The following ARHGAP26 variants were observed in gnomAD, a reference collection of about 807,000 sequenced individuals.
ARHGAP26 encodes the protein Rho GTPase activating protein 26, also known as rho GTPase-activating protein 26.
Under a neutral mutation model 104.8 loss-of-function variants are expected in ARHGAP26, and 38 were observed. The observed-to-expected ratio is 0.36, with a 90% CI of 0.28 to 0.48. ARHGAP26 has a LOEUF of 0.48. Ranked by LOEUF, ARHGAP26 falls within the 20% of genes least tolerant of loss-of-function variation. The probability of loss-of-function intolerance (pLI) is 0.99; values close to 1 mark genes in which losing one functional copy is unlikely to be tolerated. For missense variants in ARHGAP26, 704 were observed against 947.9 expected (o/e 0.74, Z 3.38); for synonymous variants, 341 against 340.0 (o/e 1.00, Z -0.03).
At chr5:142,949,198 A>G (rs1598356002) in intron 11 of ARHGAP26, among the ~76,000 whole-genome samples, 1 of 31,532 alleles carries the variant, frequency 3.2e-5, no homozygotes, top group Non-Finnish European at 5.1e-5. Context: ...AGAGAGAGAG[A>G]GAGAGAGAGA....
At chr5:143,217,979 C>T (rs994393927) in intron 22 of ARHGAP26, among the ~76,000 whole-genome samples, 1 of 152,218 alleles carries the variant, frequency 6.6e-6, no homozygotes, top group Non-Finnish European at 1.5e-5. Flanking sequence ...CTCCTCTCAC[C>T]CTCACTTGAC....
At chr5:142,944,736 A>G (rs1267571781) in intron 11 of ARHGAP26, among the ~76,000 whole-genome samples, 2 of 152,256 alleles carry the variant, frequency 1.3e-5, no homozygotes, top group Non-Finnish European at 2.9e-5. Flanking sequence ...TGTCTGGCAC[A>G]TGATTCATGC....
chr5:142,844,907 G>A (rs997697619), intron 1 of ARHGAP26, among the ~76,000 whole-genome samples: 27 of 151,596 alleles, frequency 1.8e-4, no homozygotes, highest in Non-Finnish European at 3.2e-4. Flanking sequence ...GGTAGCCCCC[G>A]TTTTGCAGGC....
intron 1 of ARHGAP26, among the ~76,000 whole-genome samples, chr5:142,841,211 A>G (rs139104981): frequency 4.6e-5 from 7 of 152,314 alleles, no homozygotes; most frequent in African/African-American, 1.7e-4. Context: ...GTAGGCAGAC[A>G]AAGAAGAAAG....
chr5:142,809,924 C>T (rs1763736953), intron 1 of ARHGAP26, among the ~76,000 whole-genome samples: 1 of 152,234 alleles, frequency 6.6e-6, no homozygotes, highest in Admixed American at 6.5e-5. Context: ...TTACATTGGA[C>T]TGGTGCAGGT....
chr5:142,984,530 CAG>C (rs1410182091), intron 11 of ARHGAP26, among the ~76,000 whole-genome samples: 2 of 152,140 alleles, frequency 1.3e-5, no homozygotes, highest in Non-Finnish European at 2.9e-5. Context: ...ATATAAGAAA[CAG>C]ATCTGTGCAT....
At chr5:143,216,249 C>T (rs1253817385) in intron 22 of ARHGAP26, 10 of 471,218 alleles carry the variant, frequency 2.1e-5, no homozygotes, top group Non-Finnish European at 3.1e-5. Context: ...GGCACCTCCA[C>T]CTCTCACCTG....
intron 14 of ARHGAP26, among the ~76,000 whole-genome samples, chr5:143,050,228 A>G (rs1251954846): frequency 6.6e-6 from 1 of 152,074 alleles, no homozygotes; most frequent in Non-Finnish European, 1.5e-5. Context: ...TGAGAGCCTA[A>G]TTTTCTGTGC....
chr5:143,208,222 G>C (rs1001544337), intron 21 of ARHGAP26, among the ~76,000 whole-genome samples: 1 of 152,172 alleles, frequency 6.6e-6, no homozygotes, highest in African/African-American at 2.4e-5. Flanking sequence ...GGAAAAGAAC[G>C]AATAGGGATC....
At chr5:143,088,348 TATATGTACTAGG>T (rs1342908276) in intron 17 of ARHGAP26, among the ~76,000 whole-genome samples, 2 of 152,236 alleles carry the variant, frequency 1.3e-5, no homozygotes. Flanking sequence ...GGTTGTACTA[TATATGTACTAGG>T]ATATACAGGT....
At chr5:142,779,148 C>T (rs915372662) in intron 1 of ARHGAP26, among the ~76,000 whole-genome samples, 4 of 152,108 alleles carry the variant, frequency 2.6e-5, no homozygotes, top group Non-Finnish European at 4.4e-5. Context: ...GGAAGGAAAT[C>T]ATGTTTATTT....
intron 1 of ARHGAP26, among the ~76,000 whole-genome samples, chr5:142,816,805 A>C (rs1205173459): frequency 6.6e-6 from 1 of 152,098 alleles, no homozygotes; most frequent in Non-Finnish European, 1.5e-5. Flanking sequence ...GGAAGGTGTG[A>C]TCAGTCCTTG....
At chr5:142,960,161 G>A (rs1769975927) in intron 11 of ARHGAP26, among the ~76,000 whole-genome samples, 1 of 152,260 alleles carries the variant, frequency 6.6e-6, no homozygotes, top group African/African-American at 2.4e-5. Context: ...AGCAGCAGCA[G>A]AAGAAAGTAT....
intron 8 of ARHGAP26, among the ~76,000 whole-genome samples, chr5:142,906,124 G>T (rs1761070617): frequency 6.6e-6 from 1 of 152,074 alleles, no homozygotes; most frequent in African/African-American, 2.4e-5. Context: ...ATGCATCTCT[G>T]GTCAAATCCT....
At chr5:142,876,573 C>G (rs978853893) in intron 3 of ARHGAP26, among the ~76,000 whole-genome samples, 1 of 136,070 alleles carries the variant, frequency 7.3e-6, no homozygotes, top group Middle Eastern at 3.6e-3. Context: ...CCTGGGAGTT[C>G]AAGACCAGTC....
At chr5:143,123,194 C>T (rs1796334476) in intron 18 of ARHGAP26, among the ~76,000 whole-genome samples, 1 of 152,186 alleles carries the variant, frequency 6.6e-6, no homozygotes, top group African/African-American at 2.4e-5. Flanking sequence ...AGAATATTGC[C>T]AAAGTCATGG....
intron 12 of ARHGAP26, among the ~76,000 whole-genome samples, chr5:143,019,969 G>A (rs796904061): frequency 1.1e-4 from 16 of 152,290 alleles, no homozygotes; most frequent in African/African-American, 3.6e-4. Context: ...GTTGCTGCAG[G>A]CATGCCTTCT....
chr5:143,011,278 G>A (rs114425063), intron 11 of ARHGAP26, among the ~76,000 whole-genome samples: 3,696 of 141,852 alleles, frequency 0.026, 62 homozygotes, highest in Middle Eastern at 0.059. Context: ...GCATTTCCTC[G>A]CCTAAAGTCC....
At chr5:142,970,180 G>A (rs1772046667) in intron 11 of ARHGAP26, among the ~76,000 whole-genome samples, 1 of 152,138 alleles carries the variant, frequency 6.6e-6, no homozygotes, top group Non-Finnish European at 1.5e-5. Flanking sequence ...CACATATTCA[G>A]CACTCGTGAA....
Sources: gnomAD v4.1 joint callset for allele counts (sites outside exome capture counted in the v4.1 genomes callset) on GRCh38, gnomAD v4.1.1 for gene constraint, MANE v1.5 for transcripts, NCBI Gene and HGNC (gene_info 2026-07-23, HGNC 2026-07-21) for gene names.